Variants in CDH6 observed in about 807,000 individuals in gnomAD.
CDH6 encodes the protein cadherin 6, also known as cadherin-6.
In CDH6, 31 loss-of-function variants were observed where a neutral mutation model predicts 78.0. The ratio of observed to expected loss-of-function variants is 0.40; its 90% CI spans 0.30 to 0.54. The LOEUF is 0.54. Ranked by LOEUF, CDH6 falls within the 20% of genes least tolerant of loss-of-function variation. The pLI is 0.56. For missense variants in CDH6, 724 were observed against 975.9 expected (o/e 0.74, Z 3.44); for synonymous variants, 376 against 368.8 (o/e 1.02, Z -0.23).
rs547533900 is a variant in CDH6 at position 31,329,113 on chromosome 5, T to C, written c.*5805T>C. 6.5e-4 allele frequency: 127 copies of C among 194,354 alleles called. No individual in the cohort carries two copies. The highest frequency in any genetic ancestry group is 9.0e-4 in the Non-Finnish European group (84 of 93,464). 12.0% of individuals were successfully genotyped at this position (194,354 alleles called of 1,614,324 possible). On this transcript the variant is annotated 3_prime_UTR_variant, in exon 12 of 12. Coordinates refer to ENST00000265071, the MANE Select transcript of CDH6 (RefSeq NM_004932.4). ...ATCAATTTTTGTAACAAGTTATTTA[T>C]ATGATATTACTTAATAAACTGGTTT...
rs544840269 is a variant in CDH6, at chr5:31,324,100, G to A, written c.*792G>A. 9.0e-6 allele frequency: 2 copies of A among 221,506 alleles called. No homozygotes were observed. The highest frequency in any genetic ancestry group is 2.2e-5 in the African/African-American group (1 of 44,720). 13.7% of individuals were successfully genotyped at this position (221,506 alleles called of 1,614,324 possible). ...ATTTTACCATACATTTAAAGTTTTG[G>A]CCACCACATGTATCACGGGTCACTT... On this transcript the variant is annotated 3_prime_UTR_variant, in exon 12 of 12. Transcript: ENST00000265071.
At chr5:31,205,880 G>A (rs1740504055) in intron 1 of CDH6, among the ~76,000 whole-genome samples, 2 of 152,096 alleles carry the variant, frequency 1.3e-5, no homozygotes, top group South Asian at 4.1e-4. Context: ...AATATTTCAG[G>A]CATCATTCTA....
intron 1 of CDH6, among the ~76,000 whole-genome samples, chr5:31,198,840 A>G (rs974838563): frequency 7.2e-5 from 11 of 152,110 alleles, no homozygotes; most frequent in East Asian, 5.8e-4. Flanking sequence ...CACACTACTC[A>G]TCTCTACCAT....
rs190980171 is a variant in CDH6 at position 31,195,735 on chromosome 5, T to C, written c.-129+1849T>C. On this transcript the variant is annotated intron_variant, in intron 1 of 11. Coordinates refer to ENST00000265071, the MANE Select transcript of CDH6 (RefSeq NM_004932.4). Reference sequence around the variant, plus strand: ...CCCAACAATTGACTGGAAAATGCAATCACATAGGGTTGTATCTCATCCCCT... The same window carrying C: ...CCCAACAATTGACTGGAAAATGCAACCACATAGGGTTGTATCTCATCCCCT... Among the ~76,000 whole-genome samples the C allele has an allele frequency of 4.0e-4, 61 of 152,336 alleles. 2 individuals carry two copies. The highest frequency in any genetic ancestry group is 1.4e-3 in the African/African-American group (59 of 41,574).
chr5:31,293,983 G>A lies in CDH6; in HGVS notation c.250G>A (p.Gly84Arg). Residue 84 changes from glycine (G) to arginine (R), a missense_variant, in exon 3 of 12, where the codon GGA (glycine) becomes AGA (arginine). Coordinates refer to ENST00000265071, the MANE Select transcript of CDH6 (RefSeq NM_004932.4). ...CTAGTTACATTCAGACCAGGATAGA[G>A]GAGATGGATCACTTAAATATATCCT... ...VGKLHSDQDR[G>R]DGSLKYILSG... 1 of 1,609,302 alleles carries A rather than the reference G, an allele frequency of 6.2e-7. No homozygotes were observed. Among genetic ancestry groups the A allele is most frequent in the Middle Eastern group, 1.7e-4 (1 of 6,012 alleles).
intron 1 of CDH6, among the ~76,000 whole-genome samples, chr5:31,233,042 G>C (rs1741355380): frequency 6.6e-6 from 1 of 152,088 alleles, no homozygotes; most frequent in Non-Finnish European, 1.5e-5. Flanking sequence ...ATATCATGCT[G>C]TTTCTTACCA....
chr5:31,227,457 A>T (rs1326526402), intron 1 of CDH6, among the ~76,000 whole-genome samples: 1 of 152,160 alleles, frequency 6.6e-6, no homozygotes, highest in Non-Finnish European at 1.5e-5. Context: ...AAGCATATAC[A>T]TTTTGAAGTT....
At chr5:31,304,513 T>C (rs2962785) in intron 6 of CDH6, among the ~76,000 whole-genome samples, 67,804 of 151,516 alleles carry the variant, frequency 0.45, 16,825 homozygotes, top group East Asian at 0.53. Flanking sequence ...GATGAAGCCC[T>C]GTTTCTACTA....
chr5:31,262,128 T>A (rs1320662319), intron 1 of CDH6, among the ~76,000 whole-genome samples: 1 of 152,192 alleles, frequency 6.6e-6, no homozygotes. Flanking sequence ...TTATCACATA[T>A]TCTATCTTGA....
intron 1 of CDH6, among the ~76,000 whole-genome samples, chr5:31,223,930 T>C (rs1189607614): frequency 1.3e-5 from 2 of 152,154 alleles, no homozygotes; most frequent in Non-Finnish European, 2.9e-5. Context: ...ATAATGACAA[T>C]GGTGGTGGCA....
intron 1 of CDH6, among the ~76,000 whole-genome samples, chr5:31,199,047 A>G (rs1248130500): frequency 6.6e-6 from 1 of 152,018 alleles, no homozygotes; most frequent in Non-Finnish European, 1.5e-5. Flanking sequence ...TGCATGCTAA[A>G]TAGAAAAACC....
chr5:31,211,106 G>T (rs1309191808), intron 1 of CDH6, among the ~76,000 whole-genome samples: 1 of 152,138 alleles, frequency 6.6e-6, no homozygotes, highest in Non-Finnish European at 1.5e-5. Flanking sequence ...TTTGTTTTGG[G>T]AATAGACTGA....
chr5:31,289,021 C>T lies in CDH6; in HGVS notation c.229-4941C>T, dbSNP rs145561295. Among the ~76,000 whole-genome samples the T allele has an allele frequency of 2.6e-5, 4 of 152,100 alleles. No homozygotes were observed. The East Asian group carries it at 5.8e-4, about 22-fold the overall frequency. The stretch of plus-strand genomic sequence containing the variant: ...ATTCAGAGGGTACATGCACTTGTTA[C>T]GTGAGTATTACACGTGTAATGGTGG... On this transcript the variant is annotated intron_variant, in intron 2 of 11. Transcript: ENST00000265071.
At chr5:31,289,072 A>T (rs976408112) in intron 2 of CDH6, among the ~76,000 whole-genome samples, 2 of 151,982 alleles carry the variant, frequency 1.3e-5, no homozygotes, top group African/African-American at 2.4e-5. Flanking sequence ...TGTACCTATC[A>T]CCCCAGTATT....
At chr5:31,199,427 CACATATGTGTATATATACACACACAT>C (rs1157666268) in intron 1 of CDH6, among the ~76,000 whole-genome samples, 1 of 50,914 alleles carries the variant, frequency 2.0e-5, no homozygotes, top group Non-Finnish European at 4.0e-5. Flanking sequence ...TATATGTACA[CACATATGTGTATATATACACACACAT>C]ATGTGTATAT....
intron 1 of CDH6, among the ~76,000 whole-genome samples, chr5:31,242,453 C>T (rs1415064079): frequency 6.6e-6 from 1 of 152,154 alleles, no homozygotes; most frequent in Non-Finnish European, 1.5e-5. Context: ...TGGTAAAAAT[C>T]AGAGAATCCC....
At chr5:31,215,809 A>G (rs77922052) in intron 1 of CDH6, among the ~76,000 whole-genome samples, 6,142 of 152,208 alleles carry the variant, frequency 0.04, 221 homozygotes, top group Non-Finnish European at 0.064. Flanking sequence ...ACAGTTCTTG[A>G]CTCACATGTA....
At chr5:31,302,657 G>A (rs1431558396) in intron 6 of CDH6, among the ~76,000 whole-genome samples, 1 of 146,006 alleles carries the variant, frequency 6.8e-6, no homozygotes, top group East Asian at 2.0e-4. Context: ...AGGTTGCAGT[G>A]AGCCAAGATC....
At position 31,261,087 on chromosome 5, in the gene CDH6, AT is replaced by A. The variant is rs372001758; in HGVS notation, c.-128-6250del. ...ACTCTTCTCTCAGAATAAATACCAT[AT>A]TTTTTTTTAAGATGTACTTGTAGGA... On this transcript the variant is annotated intron_variant, in intron 1 of 11. Coordinates refer to ENST00000265071, the MANE Select transcript of CDH6 (RefSeq NM_004932.4). 4.3e-3 allele frequency among the ~76,000 whole-genome samples: 647 copies of A among 151,382 alleles called. 3 individuals are homozygous for A. Among genetic ancestry groups the A allele is most frequent in the African/African-American group, 0.013 (539 of 41,304 alleles).
Sources: allele counts gnomAD v4.1 joint callset (sites outside exome capture counted in the v4.1 genomes callset), GRCh38; gene constraint gnomAD v4.1.1; transcripts MANE v1.5; gene names NCBI Gene and HGNC (gene_info 2026-07-23, HGNC 2026-07-21).